DLK1: variants seen among roughly 807,000 people sequenced by gnomAD.
The protein encoded by DLK1 is delta like non-canonical Notch ligand 1.
A neutral mutation model predicts 35.2 loss-of-function variants in DLK1; 9 were observed. The observed-to-expected ratio is 0.26, with a 90% confidence interval of 0.15 to 0.45. The LOEUF is 0.45. DLK1 is among the 20% of genes least tolerant of loss of function. DLK1 has a pLI of 1.00. For missense variants in DLK1, 522 were observed against 528.5 expected (o/e 0.99, Z 0.12); for synonymous variants, 231 against 228.4 (o/e 1.01, Z -0.10).
rs1294380800 is a variant in DLK1 at position 100,735,972 on chromosome 14, A to G, written c.*1076A>G. 1.3e-5 allele frequency: 2 copies of G among 152,022 alleles called. No individual in the cohort carries two copies. The highest frequency in any genetic ancestry group is 2.9e-5 in the Non-Finnish European group (2 of 68,048). The allele number at this position is 152,022 out of a possible 1,614,324, so 9.4% of individuals were successfully genotyped here. ...TTTGAGCCGCAAGTGCCCCTGGCAG[A>G]ATCTGAGCAGCAACACAGCCCTCAC... is the stretch of plus-strand genomic sequence containing the variant. On this transcript the variant is annotated 3_prime_UTR_variant, in exon 5 of 5. Coordinates refer to ENST00000341267, the MANE Select transcript of DLK1 (RefSeq NM_003836.7).
rs1216045741 is a variant in DLK1 at position 100,737,165 on chromosome 14, AC to A, written c.*2273del. ...CTTCTCCTCCCTTCCCTCACCCCAA[AC>A]CCCTGGGTCCTCCACCCCAATCTCT... On this transcript the variant is annotated 3_prime_UTR_variant, in exon 5 of 5. Coordinates refer to ENST00000341267, the MANE Select transcript of DLK1 (RefSeq NM_003836.7). 1 of 126,998 alleles carries A rather than the reference AC, an allele frequency of 7.9e-6. No homozygotes were observed. The highest frequency in any genetic ancestry group is 1.6e-5 in the Non-Finnish European group (1 of 61,034). 7.9% of individuals were successfully genotyped at this position (126,998 alleles called of 1,614,324 possible). A position where few individuals can be genotyped will look rare whatever the true frequency, so the allele number is the denominator to read the frequency against.
rs1308315943 is a variant in DLK1 at position 100,736,167 on chromosome 14, G to C, written c.*1271G>C. ...TAGCCAGCTTCTGAATTTTGAATTT[G>C]ACTTTTTTTTTTTTTTTAACAAAGA... On this transcript the variant is annotated 3_prime_UTR_variant, in exon 5 of 5. Transcript: ENST00000341267. 1 of 107,658 alleles carries C rather than the reference G, an allele frequency of 9.3e-6. No individual in the cohort carries two copies. Among genetic ancestry groups the C allele is most frequent in the Non-Finnish European group, 1.8e-5 (1 of 56,160 alleles). 6.7% of individuals were successfully genotyped at this position (107,658 alleles called of 1,614,324 possible).
chr14:100,732,189 T>C lies in DLK1; in HGVS notation c.404+6T>C, dbSNP rs890369484. 6.2e-7 allele frequency: 1 copy of C among 1,612,174 alleles called. No individual in the cohort carries two copies. Among genetic ancestry groups the C allele is most frequent in the South Asian group, 1.1e-5 (1 of 90,774 alleles). ...GGGCCCTGTGTGATCAACGGGTAAATATCCTTCCTGTGTGTGATCTAATGA... is the reference window on the plus strand; with the variant it reads ...GGGCCCTGTGTGATCAACGGGTAAACATCCTTCCTGTGTGTGATCTAATGA... On this transcript the variant is annotated splice_donor_region_variant and intron_variant, in intron 4 of 4. Transcript: ENST00000341267.
chr14:100,730,076 T>G (rs985818820), intron 3 of DLK1, among the ~76,000 whole-genome samples: 1 of 152,232 alleles, frequency 6.6e-6, no homozygotes, highest in Non-Finnish European at 1.5e-5. Context: ...GCCCCTGCCC[T>G]GTACAGCCAG....
In DLK1 at chr14:100,734,218, C is replaced by T. The variant is rs780225629; in HGVS notation, c.474C>T (p.Cys158=). The T allele has an allele frequency of 1.1e-5, 18 of 1,613,112 alleles. No homozygotes were observed. In the South Asian group the frequency reaches 1.9e-4, roughly 17 times the overall value. The change falls in exon 5 of 5, where the codon TGC becomes TGT. Residue 158 remains cysteine, a synonymous_variant. Transcript: ENST00000341267. This position sits in a 1 kb window ranked among gnomAD's most constrained non-coding sequence, Gnocchi z 7.4. The part of the protein sequence containing the change: ...EGRASHASCL[C]PPGFSGNFCE... The stretch of plus-strand genomic sequence containing the variant: ...GGGCCTCCCATGCCTCCTGCCTGTG[C>T]CCCCCTGGCTTCTCAGGCAATTTCT...
rs1350733247 is a variant in DLK1 at position 100,736,197 on chromosome 14, C to CT, written c.*1302dup. ...TTTTTTTTTTTTTAACAAAGAGCAT[C>CT]TATCTTTTTTGCAAAAATAGAAAGA... On this transcript the variant is annotated 3_prime_UTR_variant, in exon 5 of 5. Transcript: ENST00000341267. The CT allele has an allele frequency of 6.7e-6, 1 of 149,094 alleles. No homozygotes were observed. Among genetic ancestry groups the CT allele is most frequent in the Non-Finnish European group, 1.5e-5 (1 of 67,540 alleles). The allele number at this position is 149,094 out of a possible 1,614,324, so 9.2% of individuals were successfully genotyped here.
chr14:100,732,488 G>A (rs1320357225), intron 4 of DLK1, among the ~76,000 whole-genome samples: 3 of 152,242 alleles, frequency 2.0e-5, no homozygotes, highest in Non-Finnish European at 4.4e-5. Context: ...ATTTTCTAAA[G>A]GCAACGTAGT....
In DLK1 at chr14:100,735,273, A is replaced by G. The variant is rs1595210874; in HGVS notation, c.*377A>G. The G allele has an allele frequency of 2.7e-5, 5 of 187,356 alleles. No individual in the cohort carries two copies. The East Asian group carries it at 7.1e-4, about 27-fold the overall frequency. 11.6% of individuals were successfully genotyped at this position (187,356 alleles called of 1,614,324 possible). ...GCCACATGGTCCTCGTGAAACCGTT[A>G]CGAGTGCTGTACATGACCACCCACT... On this transcript the variant is annotated 3_prime_UTR_variant, in exon 5 of 5. Coordinates refer to ENST00000341267, the MANE Select transcript of DLK1 (RefSeq NM_003836.7).
rs555627159 is a variant in DLK1, at chr14:100,737,383, C to T, written c.*2487C>T. 1.3e-5 allele frequency: 2 copies of T among 152,124 alleles called. No individual in the cohort carries two copies. Among genetic ancestry groups the T allele is most frequent in the East Asian group, 3.9e-4 (2 of 5,102 alleles). 9.4% of individuals were successfully genotyped at this position (152,124 alleles called of 1,614,324 possible). ...GTGAGACCTGGACTGAGCCTGCTAA[C>T]GATTCTGTTCCTCAGTTTCCCCAAA... On this transcript the variant is annotated 3_prime_UTR_variant, in exon 5 of 5. Transcript: ENST00000341267.
intron 1 of DLK1, among the ~76,000 whole-genome samples, chr14:100,727,711 G>A (rs974418410): frequency 2.6e-5 from 4 of 152,178 alleles, no homozygotes; most frequent in Non-Finnish European, 5.9e-5. Context: ...TTGTAAGGGG[G>A]CTGTCTAGAA....
Position 100,734,338 on chromosome 14 carries a change from C to G in DLK1, c.594C>G (p.Ala198=). The change falls in exon 5 of 5, where the codon GCC becomes GCG. Residue 198 remains alanine (A), a synonymous_variant. Transcript: ENST00000341267. This position sits in a 1 kb window ranked among gnomAD's most constrained non-coding sequence, Gnocchi z 7.4. ...IGGDFRCRCP[A]GFIDKTCSRP... Reference sequence around the variant, plus strand: ...GCGACTTCCGCTGCCGGTGCCCAGCCGGCTTCATCGACAAGACCTGCAGCC... The same window carrying G: ...GCGACTTCCGCTGCCGGTGCCCAGCGGGCTTCATCGACAAGACCTGCAGCC... 1 of 1,613,054 alleles carries G rather than the reference C, an allele frequency of 6.2e-7. No homozygotes were observed. The highest frequency in any genetic ancestry group is 8.5e-7 in the Non-Finnish European group (1 of 1,179,888).
chr14:100,730,805 C>T (rs897839882), intron 3 of DLK1, among the ~76,000 whole-genome samples: 6 of 152,230 alleles, frequency 3.9e-5, no homozygotes, highest in African/African-American at 1.4e-4. Context: ...TGTCCTTGCA[C>T]CAAGCCGGGC....
intron 3 of DLK1, 93 bp downstream of exon 3, chr14:100,729,159 C>A (rs777483795): frequency 2.5e-6 from 4 of 1,579,748 alleles, no homozygotes; most frequent in African/African-American, 1.3e-5. Flanking sequence ...TGCTGGTGTT[C>A]CTCACTTCCT....
chr14:100,734,010 C>T lies in DLK1; in HGVS notation c.405-139C>T, dbSNP rs761638027. ...CCTCCCTGGCTGGCGTTCCCTCCCTCGCTCCCTCATTCACCTGATGTGTTT... is the reference window on the plus strand; with the variant it reads ...CCTCCCTGGCTGGCGTTCCCTCCCTTGCTCCCTCATTCACCTGATGTGTTT... On this transcript the variant is annotated intron_variant, in intron 4 of 4. Transcript: ENST00000341267. This position sits in a 1 kb window ranked among gnomAD's most constrained non-coding sequence, Gnocchi z 7.4. 54 of 1,136,266 alleles carry T rather than the reference C, an allele frequency of 4.8e-5. No homozygotes were observed. The highest frequency in any genetic ancestry group is 1.8e-4 in the East Asian group (6 of 34,144). 70.4% of individuals were successfully genotyped at this position (1,136,266 alleles called of 1,614,324 possible). A position where few individuals can be genotyped will look rare whatever the true frequency, so the allele number is the denominator to read the frequency against.
In DLK1 at chr14:100,736,136, A is replaced by G. The variant is rs938918586; in HGVS notation, c.*1240A>G. On this transcript the variant is annotated 3_prime_UTR_variant, in exon 5 of 5. Coordinates refer to ENST00000341267, the MANE Select transcript of DLK1 (RefSeq NM_003836.7). Reference sequence around the variant, plus strand: ...TGAGTTAATAATCCTCAGATCTCAAAAGACCTAGCCAGCTTCTGAATTTTG... The same window carrying G: ...TGAGTTAATAATCCTCAGATCTCAAGAGACCTAGCCAGCTTCTGAATTTTG... 4 of 151,790 alleles carry G rather than the reference A, an allele frequency of 2.6e-5. No individual in the cohort carries two copies. Among genetic ancestry groups the G allele is most frequent in the Non-Finnish European group, 5.9e-5 (4 of 68,004 alleles). 9.4% of individuals were successfully genotyped at this position (151,790 alleles called of 1,614,324 possible).
intron 4 of DLK1, 28 bp downstream of exon 4, chr14:100,732,211 A>T (rs1466287047): frequency 2.5e-6 from 4 of 1,602,034 alleles, no homozygotes; most frequent in Non-Finnish European, 3.4e-6. Flanking sequence ...GTGTGATCTA[A>T]TGAATGCTGC....
At chr14:100,727,880 T>C (rs931366970) in intron 1 of DLK1, among the ~76,000 whole-genome samples, 1 of 151,948 alleles carries the variant, frequency 6.6e-6, no homozygotes, top group African/African-American at 2.4e-5. Flanking sequence ...GAGGGAAGAT[T>C]TGACCTGGGT....
At chr14:100,728,105 G>A (rs1450892962) in intron 1 of DLK1, among the ~76,000 whole-genome samples, 1 of 152,190 alleles carries the variant, frequency 6.6e-6, no homozygotes, top group Non-Finnish European at 1.5e-5. Context: ...GACTTGAGGT[G>A]TCGTATTTGC....
intron 4 of DLK1, among the ~76,000 whole-genome samples, chr14:100,732,605 A>G (rs1163725216): frequency 1.3e-5 from 2 of 152,018 alleles, no homozygotes; most frequent in Non-Finnish European, 2.9e-5. Context: ...ATTTTCTGGG[A>G]TGTCTGTGGA....
Sources: gnomAD v4.1 joint callset for allele counts (sites outside exome capture counted in the v4.1 genomes callset) on GRCh38, gnomAD v4.1.1 for gene constraint, Gnocchi (gnomAD v3.1) non-coding constraint, MANE v1.5 for transcripts, NCBI Gene and HGNC (gene_info 2026-07-23, HGNC 2026-07-21) for gene names.